Variants in PCDHA5 observed in about 807,000 individuals in gnomAD.
PCDHA5 encodes protocadherin alpha-5.
PCDHA5 carries 43 observed loss-of-function variants against 61.6 expected under a neutral mutation model. That is an observed-to-expected ratio of 0.70 (90% CI 0.55 to 0.90). The LOEUF (loss-of-function observed/expected upper bound fraction) is 0.90. Among genes scored for constraint, PCDHA5 ranks in the 40% least tolerant of loss-of-function variants. The probability of loss-of-function intolerance (pLI) is 0.00; values close to 1 mark genes in which losing one functional copy is unlikely to be tolerated. For missense variants in PCDHA5, 1,298 were observed against 1,222.7 expected, an observed-to-expected ratio of 1.06 and a Z score of -0.92; for synonymous variants, 627 against 543.9, an observed-to-expected ratio of 1.15 and a Z score of -2.13.
intron 1 of PCDHA5, chr5:140,870,040 A>C: frequency 6.2e-7 from 1 of 1,613,768 alleles, no homozygotes; most frequent in Non-Finnish European, 8.5e-7. Context: ...TGAAGAAAAC[A>C]AGTTTTATAA....
intron 1 of PCDHA5, among the ~76,000 whole-genome samples, chr5:140,839,001 C>A (rs1775989279): frequency 6.6e-6 from 1 of 151,970 alleles, no homozygotes; most frequent in Non-Finnish European, 1.5e-5. Flanking sequence ...TTCTAATATA[C>A]TTTAGTAAAT....
Position 140,823,745 on chromosome 5 carries a change from C to A in PCDHA5, c.1970C>A (p.Pro657Gln), listed in dbSNP as rs782470144. The A allele has an allele frequency of 1.2e-6, 2 of 1,613,836 alleles. No homozygotes were observed. The highest frequency in any genetic ancestry group is 1.3e-5 in the African/African-American group (1 of 75,056). Reference protein sequence around the residue: ...LVLVKDHGEPPLTATATVLVS... With the variant: ...LVLVKDHGEPQLTATATVLVS... Reference sequence around the variant, plus strand: ...CTGGTGAAGGACCATGGAGAGCCCCCGCTGACAGCCACAGCCACAGTGCTG... The same window carrying A: ...CTGGTGAAGGACCATGGAGAGCCCCAGCTGACAGCCACAGCCACAGTGCTG... The change falls in exon 1 of 4, where the codon CCG becomes CAG. Residue 657 changes from proline (P) to glutamine (Q), a missense_variant. Transcript: ENST00000529859.
intron 1 of PCDHA5, chr5:140,870,954 G>T (rs1202889647): frequency 1.9e-6 from 3 of 1,613,514 alleles, no homozygotes; most frequent in African/African-American, 1.3e-5. Context: ...CGGGCGGCTC[G>T]CGCATCCCGT....
Position 140,889,101 on chromosome 5 carries a change from T to C in PCDHA5, c.2352+64974T>C, listed in dbSNP as rs115792966. On this transcript the variant is annotated intron_variant, in intron 1 of 3. Transcript: ENST00000529859. ...TTAAATTTTCAAAACAATTTTTTCA[T>C]CTTTATTCCAGGTGATACTGATATG... Among the ~76,000 whole-genome samples the C allele has an allele frequency of 7.5e-3, 1,145 of 152,066 alleles. 15 individuals carry two copies. Among genetic ancestry groups the C allele is most frequent in the African/African-American group, 0.026 (1,085 of 41,518 alleles).
chr5:140,983,746 T>A (rs1206745225), intron 3 of PCDHA5, among the ~76,000 whole-genome samples: 2 of 152,228 alleles, frequency 1.3e-5, no homozygotes, highest in East Asian at 3.8e-4. Flanking sequence ...CTTGCAATAA[T>A]CCATTCAAAT....
chr5:140,870,206 T>G (rs1554163904), intron 1 of PCDHA5: 2 of 1,614,182 alleles, frequency 1.2e-6, no homozygotes, highest in Admixed American at 3.3e-5. Flanking sequence ...AGCACGGTCA[T>G]TGCCCTGATC....
chr5:140,824,225 A>T, intron 1 of PCDHA5, 98 bp downstream of exon 1: 1 of 1,554,028 alleles, frequency 6.4e-7, no homozygotes, highest in Non-Finnish European at 8.9e-7. Flanking sequence ...ATTATGTCTT[A>T]GTACACAAAT....
chr5:141,008,040 T>C (rs1408807855), intron 3 of PCDHA5, among the ~76,000 whole-genome samples: 1 of 152,200 alleles, frequency 6.6e-6, no homozygotes, highest in Admixed American at 6.5e-5. Context: ...ATCTGCCTTT[T>C]GTAACAGGGG....
At chr5:140,840,562 G>C (rs1776767588) in intron 1 of PCDHA5, among the ~76,000 whole-genome samples, 1 of 152,076 alleles carries the variant, frequency 6.6e-6, no homozygotes, top group South Asian at 2.1e-4. Context: ...TACTGCTAGA[G>C]TTTGGCATGT....
chr5:140,883,230 A>T (rs1554177225), intron 1 of PCDHA5: 1 of 1,614,082 alleles, frequency 6.2e-7, no homozygotes, highest in African/African-American at 1.3e-5. Flanking sequence ...ATATCCGTGG[A>T]GGCAGTTGAC....
At chr5:140,842,727 C>G (rs1554139317) in intron 1 of PCDHA5, 1 of 1,594,926 alleles carries the variant, frequency 6.3e-7, no homozygotes, top group East Asian at 2.2e-5. Context: ...GAGAACAACC[C>G]GCCGGGCTGC....
At chr5:140,835,431 T>C (rs2150235593) in intron 1 of PCDHA5, 1 of 1,613,912 alleles carries the variant, frequency 6.2e-7, no homozygotes, top group Non-Finnish European at 8.5e-7. Context: ...TGCTCCACAG[T>C]TGACTCTCAC....
intron 1 of PCDHA5, among the ~76,000 whole-genome samples, chr5:140,951,182 C>T (rs782338729): frequency 9.2e-5 from 14 of 151,876 alleles, no homozygotes; most frequent in East Asian, 1.9e-4. Context: ...AGTCATTGTC[C>T]GCTAATTCCC....
intron 1 of PCDHA5, 107 bp downstream of exon 1, chr5:140,824,234 A>T: frequency 6.6e-7 from 1 of 1,516,800 alleles, no homozygotes; most frequent in Non-Finnish European, 9.1e-7. Context: ...TAGTACACAA[A>T]TATTGTGGTA....
In PCDHA5 at chr5:140,929,760, G is replaced by A. The variant is rs139688975; in HGVS notation, c.2353-49189G>A. 1,459 of 180,340 alleles carry A rather than the reference G, an allele frequency of 8.1e-3. 10 individuals carry two copies. Among genetic ancestry groups the A allele is most frequent in the African/African-American group, 0.019 (807 of 42,220 alleles). The allele number at this position is 180,340 out of a possible 1,614,324, so 11.2% of individuals were successfully genotyped here. A position where few individuals can be genotyped will look rare whatever the true frequency, so the allele number is the denominator to read the frequency against. Reference sequence around the variant, plus strand: ...TTGCAATGCATTATTAAAAGATGACGATAACCACAAAAGATGTAAAAATAA... The same window carrying A: ...TTGCAATGCATTATTAAAAGATGACAATAACCACAAAAGATGTAAAAATAA... On this transcript the variant is annotated intron_variant, in intron 1 of 3. Transcript: ENST00000529859.
At position 140,828,215 on chromosome 5, in the gene PCDHA5, G is replaced by C. The variant is rs2150152436; in HGVS notation, c.2352+4088G>C. On this transcript the variant is annotated intron_variant, in intron 1 of 3. Coordinates refer to ENST00000529859, the MANE Select transcript of PCDHA5 (RefSeq NM_018908.3). Reference sequence around the variant, plus strand: ...CTCCGTACCCGAGGAGGCCAAACACGGCACCTTCGTGGGCCGGATCGCGCA... The same window carrying C: ...CTCCGTACCCGAGGAGGCCAAACACCGCACCTTCGTGGGCCGGATCGCGCA... The C allele has an allele frequency of 6.2e-6, 10 of 1,613,898 alleles. No individual in the cohort carries two copies. In the African/African-American group the frequency reaches 1.1e-4, roughly 17 times the overall value.
At chr5:140,911,384 C>T (rs2075446155) in intron 1 of PCDHA5, among the ~76,000 whole-genome samples, 1 of 152,134 alleles carries the variant, frequency 6.6e-6, no homozygotes, top group Non-Finnish European at 1.5e-5. Flanking sequence ...TGTGCATGCA[C>T]CTTTCATTGC....
intron 1 of PCDHA5, among the ~76,000 whole-genome samples, chr5:140,904,056 G>A (rs1474308111): frequency 6.6e-6 from 1 of 151,944 alleles, no homozygotes; most frequent in Non-Finnish European, 1.5e-5. Context: ...TATTTCAATG[G>A]GTTTTTGGGG....
intron 1 of PCDHA5, chr5:140,883,598 G>T (rs782009650): frequency 1.2e-6 from 2 of 1,614,008 alleles, no homozygotes; most frequent in Middle Eastern, 1.7e-4. Flanking sequence ...CGTGTCGGTG[G>T]GGGTGGCCGA....
Sources: allele counts gnomAD v4.1 joint callset (sites outside exome capture counted in the v4.1 genomes callset), GRCh38; gene constraint gnomAD v4.1.1; transcripts MANE v1.5; gene names NCBI Gene and HGNC (gene_info 2026-07-23, HGNC 2026-07-21).